Variants in MDGA2 observed in about 807,000 individuals in gnomAD.
MDGA2 encodes MAM domain containing glycosylphosphatidylinositol anchor 2.
A neutral mutation model predicts 117.8 loss-of-function variants in MDGA2; 40 were observed. That is an observed-to-expected ratio of 0.34 (90% CI 0.26 to 0.44). The LOEUF is 0.44. MDGA2 is among the 20% of genes least tolerant of loss of function. The pLI is 1.00. For missense variants in MDGA2, 1,123 were observed against 1,250.6 expected, an observed-to-expected ratio of 0.90 and a Z score of 1.54; for synonymous variants, 452 against 439.0, an observed-to-expected ratio of 1.03 and a Z score of -0.37.
intron 5 of MDGA2, among the ~76,000 whole-genome samples, chr14:47,107,161 A>G (rs55780781): frequency 0.11 from 16,759 of 150,486 alleles, 1,067 homozygotes; most frequent in Admixed American, 0.11. Flanking sequence ...CCCTTACCCC[A>G]CTCAAGGCCA....
intron 10 of MDGA2, among the ~76,000 whole-genome samples, chr14:46,915,706 T>C (rs984597023): frequency 1.3e-5 from 2 of 152,092 alleles, no homozygotes; most frequent in African/African-American, 4.8e-5. Context: ...CTGCTTCCAC[T>C]CAAGGTCTGC....
rs1179822058 is a variant in MDGA2 at position 47,136,267 on chromosome 14, C to T, written c.793-4421G>A. 4.7e-5 allele frequency among the ~76,000 whole-genome samples: 7 copies of T among 150,214 alleles called. No homozygotes were observed. The South Asian group carries it at 8.4e-4, about 18-fold the overall frequency. On this transcript the variant is annotated intron_variant, in intron 4 of 16. Transcript: ENST00000399232. The stretch of plus-strand genomic sequence containing the variant: ...AGGCTGGAGTGCAGTGGCGCAACCT[C>T]GGCTCGCTGAAACTCTGCCTCCAGG...
rs1268502671 is a variant in MDGA2 at position 47,318,807 on chromosome 14, A to AAGC, written c.281-17258_281-17257insGCT. 2.9e-3 allele frequency among the ~76,000 whole-genome samples: 404 copies of AAGC among 141,606 alleles called. 4 individuals are homozygous for AAGC. Among genetic ancestry groups the AAGC allele is most frequent in the African/African-American group, 1.0e-2 (378 of 37,938 alleles). 92.9% of individuals were successfully genotyped at this position (141,606 alleles called of 152,430 possible). On this transcript the variant is annotated intron_variant, in intron 1 of 16. Transcript: ENST00000399232. ...AAGGAGGGGAGGGGGGAAAGGGAGG[A>AAGC]AAGAAGGAAGGAAGGAAGGAAGGAA...
chr14:47,218,145 T>A lies in MDGA2; in HGVS notation c.471A>T (p.Ser157=), dbSNP rs1418564763. The A allele has an allele frequency of 6.4e-7, 1 of 1,551,070 alleles. No homozygotes were observed. Among genetic ancestry groups the A allele is most frequent in the Admixed American group, 2.0e-5 (1 of 50,958 alleles). The part of the protein sequence containing the change: ...AGSASDRFQD[S]SVFNETLRIT... Reference sequence around the variant, plus strand: ...TCCTCAAAGTCTCATTGAAGACACTTGAGTCTTGGAATCTGTCAGAGGCAC... The same window carrying A: ...TCCTCAAAGTCTCATTGAAGACACTAGAGTCTTGGAATCTGTCAGAGGCAC... The change falls in exon 3 of 17, where the codon TCA becomes TCT. Residue 157 remains serine, a synonymous_variant. Coordinates refer to ENST00000399232, the MANE Select transcript of MDGA2 (RefSeq NM_001113498.3).
chr14:47,110,314 A>C (rs1880969822), intron 5 of MDGA2, among the ~76,000 whole-genome samples: 1 of 152,158 alleles, frequency 6.6e-6, no homozygotes, highest in African/African-American at 2.4e-5. Flanking sequence ...TTTTCACAAG[A>C]GGGCTAGTAT....
At chr14:47,200,880 T>TA in intron 3 of MDGA2, 1 of 860,136 alleles carries the variant, frequency 1.2e-6, no homozygotes, top group South Asian at 1.3e-5. Context: ...TCAAACACCT[T>TA]AAGGCAGTCC....
Position 47,674,593 on chromosome 14 carries a change from C to T in MDGA2, c.204G>A (p.Val68=), listed in dbSNP as rs1200411146. Reference sequence around the variant, plus strand: ...CGAGACCGTACAGTAAATCCATCTTCACGTGAACATGAACATATCCAGCCC... The same window carrying T: ...CGAGACCGTACAGTAAATCCATCTTTACGTGAACATGAACATATCCAGCCC... The part of the protein sequence containing the change: ...TPWAGYVHVH[V]KMDLLYGLVW... Residue 68 remains valine, a synonymous_variant, in exon 1 of 17, where the codon GTG becomes GTA. Coordinates refer to ENST00000399232, the MANE Select transcript of MDGA2 (RefSeq NM_001113498.3). 3 of 1,551,388 alleles carry T rather than the reference C, an allele frequency of 1.9e-6. No homozygotes were observed. The highest frequency in any genetic ancestry group is 4.9e-5 in the East Asian group (2 of 40,834).
At chr14:47,310,095 A>G (rs180848248) in intron 1 of MDGA2, among the ~76,000 whole-genome samples, 2 of 152,284 alleles carry the variant, frequency 1.3e-5, no homozygotes, top group Admixed American at 1.3e-4. Flanking sequence ...TATCAATTCT[A>G]AAAATGTTAT....
chr14:47,459,623 GT>G (rs144427654), intron 1 of MDGA2, among the ~76,000 whole-genome samples: 21 of 149,644 alleles, frequency 1.4e-4, no homozygotes, highest in Non-Finnish European at 2.8e-4. Context: ...GCAGGTGTGG[GT>G]TTTTTTTATT....
intron 2 of MDGA2, among the ~76,000 whole-genome samples, chr14:47,259,506 A>G (rs1165134853): frequency 3.9e-5 from 6 of 152,132 alleles, no homozygotes; most frequent in Middle Eastern, 3.2e-3. Flanking sequence ...TAATGAACAT[A>G]TGGGTGTTCT....
intron 1 of MDGA2, among the ~76,000 whole-genome samples, chr14:47,414,245 C>G (rs535926494): frequency 6.6e-6 from 1 of 152,112 alleles, no homozygotes; most frequent in Admixed American, 6.5e-5. Flanking sequence ...AGAGCACTGA[C>G]TAGAAATAAG....
intron 1 of MDGA2, among the ~76,000 whole-genome samples, chr14:47,341,058 T>C (rs1483590586): frequency 6.6e-6 from 1 of 152,216 alleles, no homozygotes; most frequent in Non-Finnish European, 1.5e-5. Context: ...CTTCACATTT[T>C]AACAGCAGCT....
intron 9 of MDGA2, among the ~76,000 whole-genome samples, chr14:46,923,909 T>G (rs1449811224): frequency 6.6e-6 from 1 of 152,046 alleles, no homozygotes; most frequent in African/African-American, 2.4e-5. Flanking sequence ...CATAAATATA[T>G]ATATTTTTAA....
chr14:47,183,726 T>C (rs1361230377), intron 3 of MDGA2, among the ~76,000 whole-genome samples: 1 of 152,008 alleles, frequency 6.6e-6, no homozygotes, highest in Non-Finnish European at 1.5e-5. Flanking sequence ...AAAACATAAA[T>C]TCGAGATTGT....
chr14:47,021,798 G>C (rs1305540960), intron 8 of MDGA2, among the ~76,000 whole-genome samples: 2 of 152,214 alleles, frequency 1.3e-5, no homozygotes, highest in East Asian at 1.9e-4. Context: ...GGTAGAAACA[G>C]ACACAAGTCA....
Position 46,873,966 on chromosome 14 carries a change from T to C in MDGA2, c.2593+79A>G, listed in dbSNP as rs147499733. ...ATTCCATAATCTTCAAATATATGGC[T>C]AAATATTAGTATTTCATATTTATAG... On this transcript the variant is annotated intron_variant, in intron 13 of 16. Coordinates refer to ENST00000399232, the MANE Select transcript of MDGA2 (RefSeq NM_001113498.3). The C allele has an allele frequency of 3.3e-4, 381 of 1,138,836 alleles. 6 individuals are homozygous for C. In the East Asian group the frequency reaches 0.01, roughly 31 times the overall value. The allele number at this position is 1,138,836 out of a possible 1,614,324, so 70.5% of individuals were successfully genotyped here.
chr14:47,555,883 A>AAG (rs1196706066), intron 1 of MDGA2, among the ~76,000 whole-genome samples: 1 of 152,082 alleles, frequency 6.6e-6, no homozygotes, highest in African/African-American at 2.4e-5. Context: ...AACCCTAAGA[A>AAG]AGCTCCTCCA....
At chr14:46,891,528 C>T (rs1403223255) in intron 10 of MDGA2, among the ~76,000 whole-genome samples, 1 of 150,810 alleles carries the variant, frequency 6.6e-6, no homozygotes, top group Non-Finnish European at 1.5e-5. Context: ...TAATTTATTT[C>T]CTGTTTTATA....
chr14:47,294,594 A>C (rs1380212706), intron 2 of MDGA2, among the ~76,000 whole-genome samples: 1 of 152,110 alleles, frequency 6.6e-6, no homozygotes, highest in Non-Finnish European at 1.5e-5. Flanking sequence ...AAAACACAAA[A>C]AAGAATTAAT....
Sources: allele counts gnomAD v4.1 joint callset (sites outside exome capture counted in the v4.1 genomes callset), GRCh38; gene constraint gnomAD v4.1.1; transcripts MANE v1.5; gene names NCBI Gene and HGNC (gene_info 2026-07-23, HGNC 2026-07-21).